Variants in ABCA13 observed in about 807,000 individuals in gnomAD.
The protein encoded by ABCA13 is ATP-binding cassette sub-family A member 13.
A neutral mutation model predicts 478.7 loss-of-function variants in ABCA13; 476 were observed. The ratio of observed to expected loss-of-function variants is 0.99; its 90% CI spans 0.92 to 1.07. The LOEUF is 1.07. Among genes scored for constraint, ABCA13 ranks in the 50% least tolerant of loss-of-function variants. The pLI is 0.00. For missense variants in ABCA13, 6,060 were observed against 5,910.6 expected, an observed-to-expected ratio of 1.03 and a Z score of -0.83; for synonymous variants, 2,252 against 2,158.9, an observed-to-expected ratio of 1.04 and a Z score of -1.20.
chr7:48,502,178 G>A (rs888715852), intron 48 of ABCA13, among the ~76,000 whole-genome samples: 22 of 152,170 alleles, frequency 1.4e-4, no homozygotes, highest in African/African-American at 4.3e-4. Context: ...GGTCTGGCAC[G>A]TTGGGGAATT....
intron 56 of ABCA13, among the ~76,000 whole-genome samples, 186 bp from the exon 57 acceptor site, chr7:48,586,968 C>T (rs1051741084): frequency 6.6e-6 from 1 of 152,108 alleles, no homozygotes; most frequent in Non-Finnish European, 1.5e-5. Context: ...GCAGAAAACT[C>T]CCACCTGTTC....
intron 31 of ABCA13, 29 bp from the exon 32 acceptor site, chr7:48,367,765 C>T (rs547655313): frequency 2.2e-5 from 34 of 1,512,436 alleles, no homozygotes; most frequent in South Asian, 3.6e-5. Flanking sequence ...TGCTTGTCTC[C>T]GGATGCTGAC....
At chr7:48,369,004 T>C (rs1812216515) in intron 32 of ABCA13, among the ~76,000 whole-genome samples, 1 of 152,124 alleles carries the variant, frequency 6.6e-6, no homozygotes, top group Non-Finnish European at 1.5e-5. Context: ...GTTGTACTAA[T>C]TTACATTCCC....
In ABCA13 at chr7:48,389,094, C is replaced by G; in HGVS notation, c.11528C>G (p.Thr3843Ser). Residue 3843 changes from threonine to serine, a missense_variant, in exon 37 of 62, where the codon ACC becomes AGC. Transcript: ENST00000435803. ...GELEGSAPGV[T>S]LVSVTKEYEG... ...CTTGAAGGAAGTGCCCCGGGAGTCACCCTGGTGTCTGTGACCAAGGAATAT... is the reference window on the plus strand; with the variant it reads ...CTTGAAGGAAGTGCCCCGGGAGTCAGCCTGGTGTCTGTGACCAAGGAATAT... 1 of 1,613,924 alleles carries G rather than the reference C, an allele frequency of 6.2e-7. No individual in the cohort carries two copies. The highest frequency in any genetic ancestry group is 8.5e-7 in the Non-Finnish European group (1 of 1,179,852).
intron 58 of ABCA13, among the ~76,000 whole-genome samples, chr7:48,614,395 GAGAGGAT>G (rs1792337488): frequency 6.6e-6 from 1 of 151,362 alleles, no homozygotes; most frequent in Non-Finnish European, 1.5e-5. Context: ...ACAGGTGCTG[GAGAGGAT>G]GTGGAGAAAT....
rs1296057568 is a variant in ABCA13 at position 48,314,221 on chromosome 7, T to A, written c.9682-11T>A. 1 of 1,605,058 alleles carries A rather than the reference T, an allele frequency of 6.2e-7. No individual in the cohort carries two copies. Among genetic ancestry groups the A allele is most frequent in the Non-Finnish European group, 8.5e-7 (1 of 1,178,030 alleles). Reference sequence around the variant, plus strand: ...CTATGTAATTGCAATTTAGTTTTCTTATTTTCTCAGGTTTCACAAAATGTC... The same window carrying A: ...CTATGTAATTGCAATTTAGTTTTCTAATTTTCTCAGGTTTCACAAAATGTC... On this transcript the variant is annotated splice_polypyrimidine_tract_variant and intron_variant, in intron 25 of 61. Coordinates refer to ENST00000435803, the MANE Select transcript of ABCA13 (RefSeq NM_152701.5).
intron 31 of ABCA13, among the ~76,000 whole-genome samples, chr7:48,361,483 T>C (rs77122875): frequency 0.039 from 5,901 of 151,910 alleles, 156 homozygotes; most frequent in Middle Eastern, 0.061. Flanking sequence ...AAGAACCCTA[T>C]TTGGACTTCA....
At chr7:48,524,123 C>A in intron 53 of ABCA13, 125 bp from the exon 54 acceptor site, 2 of 818,258 alleles carry the variant, frequency 2.4e-6, no homozygotes, top group Non-Finnish European at 3.7e-6. Context: ...CTGGACAAAG[C>A]TGACTGCCCA....
At chr7:48,214,000 A>AT (rs1786071831) in intron 3 of ABCA13, among the ~76,000 whole-genome samples, 1 of 152,190 alleles carries the variant, frequency 6.6e-6, no homozygotes, top group African/African-American at 2.4e-5. Context: ...TCATCCATAA[A>AT]TTTGAATCAC....
At chr7:48,251,443 T>C (rs891254030) in intron 15 of ABCA13, among the ~76,000 whole-genome samples, 1 of 152,166 alleles carries the variant, frequency 6.6e-6, no homozygotes, top group African/African-American at 2.4e-5. Context: ...AAATTGAGGC[T>C]CAGAAAGATT....
chr7:48,572,389 G>A (rs1787752963), intron 55 of ABCA13, among the ~76,000 whole-genome samples: 1 of 152,010 alleles, frequency 6.6e-6, no homozygotes, highest in Non-Finnish European at 1.5e-5. Flanking sequence ...CATGATCATA[G>A]CTCACCACAG....
chr7:48,641,490 A>T (rs993920534), intron 59 of ABCA13, among the ~76,000 whole-genome samples: 1 of 152,174 alleles, frequency 6.6e-6, no homozygotes, highest in Non-Finnish European at 1.5e-5. Flanking sequence ...TCCTCTCACA[A>T]CCTTATTAGG....
intron 20 of ABCA13, among the ~76,000 whole-genome samples, chr7:48,289,857 T>C (rs568421530): frequency 2.0e-5 from 3 of 152,298 alleles, no homozygotes; most frequent in African/African-American, 4.8e-5. Context: ...AAAAATAGTA[T>C]GTTGCTTATC....
intron 43 of ABCA13, among the ~76,000 whole-genome samples, chr7:48,462,446 C>G (rs538416823): frequency 3.3e-5 from 5 of 151,836 alleles, no homozygotes; most frequent in East Asian, 1.9e-4. Context: ...AAAGGATTCC[C>G]CCCCCCCTAC....
At chr7:48,401,570 T>C (rs979927560) in intron 38 of ABCA13, among the ~76,000 whole-genome samples, 16 of 152,332 alleles carry the variant, frequency 1.1e-4, no homozygotes, top group African/African-American at 3.8e-4. Flanking sequence ...CTGTGCTTCG[T>C]TGCTCTTTGA....
intron 42 of ABCA13, among the ~76,000 whole-genome samples, chr7:48,431,231 C>G (rs1431033621): frequency 6.6e-6 from 1 of 151,902 alleles, no homozygotes; most frequent in Non-Finnish European, 1.5e-5. Flanking sequence ...TGGGATTTCA[C>G]CATGTTGGCC....
At chr7:48,526,093 T>C (rs1832875216) in intron 54 of ABCA13, among the ~76,000 whole-genome samples, 1 of 152,130 alleles carries the variant, frequency 6.6e-6, no homozygotes, top group African/African-American at 2.4e-5. Context: ...AGATAACTTC[T>C]TTAGGGGTAA....
At position 48,273,884 on chromosome 7, in the gene ABCA13, G is replaced by C. The variant is rs1287449680; in HGVS notation, c.4218G>C (p.Leu1406Phe). 2 of 1,612,686 alleles carry C rather than the reference G, an allele frequency of 1.2e-6. No individual in the cohort carries two copies. Among genetic ancestry groups the C allele is most frequent in the Non-Finnish European group, 8.5e-7 (1 of 1,179,196 alleles). Residue 1406 changes from leucine (L) to phenylalanine (F), a missense_variant, in exon 17 of 62, where the codon TTG becomes TTC. Physicochemically the swap from Leu to Phe is conservative, Grantham distance 22. This residue lies in a region of ABCA13 where 4,423 missense variants were observed against 4,309.1 expected (regional missense o/e 1.03). Coordinates refer to ENST00000435803, the MANE Select transcript of ABCA13 (RefSeq NM_152701.5). ...VWLDVINHLY[L>F]LSNSSFSQGH... ...TAGATGTCATAAACCATTTGTATTT[G>C]TTGTCTAACTCCAGTTTTTCACAAG...
intron 38 of ABCA13, among the ~76,000 whole-genome samples, chr7:48,401,493 T>A (rs962051587): frequency 6.6e-6 from 1 of 152,196 alleles, no homozygotes; most frequent in Non-Finnish European, 1.5e-5. Context: ...AACATTTATC[T>A]CATTGTGTCC....
Sources: gnomAD v4.1 joint callset for allele counts (sites outside exome capture counted in the v4.1 genomes callset) on GRCh38, gnomAD v4.1.1 for gene constraint, gnomAD v4.1.1 regional missense constraint, MANE v1.5 for transcripts, NCBI Gene and HGNC (gene_info 2026-07-23, HGNC 2026-07-21) for gene names.